CHD3: variants seen among roughly 807,000 people sequenced by gnomAD.
CHD3 encodes ATP-dependent chromatin remodeler CHD3.
Under a neutral mutation model 248.9 loss-of-function variants are expected in CHD3, and 52 were observed. The ratio of observed to expected loss-of-function variants is 0.21; its 90% CI spans 0.17 to 0.26. The LOEUF is 0.26. CHD3 is among the 10% of genes least tolerant of loss of function. The pLI, the probability that CHD3 is intolerant of heterozygous loss-of-function variation, is 1.00. For missense variants in CHD3, 1,482 were observed against 2,605.8 expected, an observed-to-expected ratio of 0.57 and a Z score of 9.39; for synonymous variants, 985 against 985.2, an observed-to-expected ratio of 1.00 and a Z score of 0.00.
upstream of CHD3, among the ~76,000 whole-genome samples, chr17:7,885,926 C>T (rs1967864355): frequency 6.6e-6 from 1 of 152,208 alleles, no homozygotes; most frequent in Non-Finnish European, 1.5e-5. Flanking sequence ...GATTGGGGAG[C>T]GGAGAGAAGA....
At position 7,906,946 on chromosome 17, in the gene CHD3, C is replaced by T. The variant is rs369890808; in HGVS notation, c.4581C>T (p.Arg1527=). Reference sequence around the variant, plus strand: ...CTGACCCCAGCGCCGATTCTAAGCGCTCCTCCAGAGCCTCCTCTCCTACCA... The same window carrying T: ...CTGACCCCAGCGCCGATTCTAAGCGTTCCTCCAGAGCCTCCTCTCCTACCA... ...LMPDPSADSK[R]SSRASSPTKT... is the part of the protein sequence containing the mutation. The change falls in exon 30 of 40, where the codon CGC becomes CGT. Residue 1527 remains arginine, a synonymous_variant. Coordinates refer to ENST00000330494, the MANE Select transcript of CHD3 (RefSeq NM_001005273.3). This position sits in a 1 kb window ranked among gnomAD's most constrained non-coding sequence, Gnocchi z 5.0. 9 of 1,614,178 alleles carry T rather than the reference C, an allele frequency of 5.6e-6. No homozygotes were observed. Among genetic ancestry groups the T allele is most frequent in the Non-Finnish European group, 7.6e-6 (9 of 1,180,026 alleles).
In CHD3 at chr17:7,890,741, G is replaced by A. The variant is rs778494683; in HGVS notation, c.384G>A (p.Lys128=). ...AGGGGGAGGGAGATGGGGGGCAAAA[G>A]GTGAGTAGAATTAGGGAATGAGAGT... ...RKKGEGDGGQ[K]QVEQKSSATL... Residue 128 remains lysine (K), a splice_region_variant and synonymous_variant, in exon 3 of 40, where the codon AAG becomes AAA. Coordinates refer to ENST00000330494, the MANE Select transcript of CHD3 (RefSeq NM_001005273.3). The A allele has an allele frequency of 8.2e-6, 13 of 1,590,506 alleles. No individual in the cohort carries two copies. Among genetic ancestry groups the A allele is most frequent in the Admixed American group, 7.5e-5 (4 of 53,092 alleles).
chr17:7,908,452 A>G lies in CHD3; in HGVS notation c.5203A>G (p.Lys1735Glu). Residue 1735 changes from lysine (K) to glutamate (E), a missense_variant, in exon 35 of 40, where the codon AAA becomes GAA. Physicochemically the swap from Lys to Glu is moderately conservative, Grantham distance 56. Transcript: ENST00000330494. This position sits in a 1 kb window ranked among gnomAD's most constrained non-coding sequence, Gnocchi z 5.8. The part of the protein sequence containing the change: ...NEERAAISSG[K>E]LNEIWHRRHD... Reference sequence around the variant, plus strand: ...GGAACGGGCAGCTATTTCCTCGGGGAAACTCAATGAGATCTGGCACAGAAG... The same window carrying G: ...GGAACGGGCAGCTATTTCCTCGGGGGAACTCAATGAGATCTGGCACAGAAG... 1 of 1,613,894 alleles carries G rather than the reference A, an allele frequency of 6.2e-7. No homozygotes were observed. The highest frequency in any genetic ancestry group is 1.1e-5 in the South Asian group (1 of 91,036).
At chr17:7,894,365 C>A in intron 7 of CHD3, 50 bp from the exon 8 acceptor site, 1 of 1,588,978 alleles carries the variant, frequency 6.3e-7, no homozygotes. Context: ...CTCTCTCTCT[C>A]CATCTCCCCC....
Position 7,904,021 on chromosome 17 carries a change from T to C in CHD3, c.3894+30T>C, listed in dbSNP as rs1455120323. 2 of 1,607,400 alleles carry C rather than the reference T, an allele frequency of 1.2e-6. No homozygotes were observed. The highest frequency in any genetic ancestry group is 2.7e-5 in the African/African-American group (2 of 74,820). On this transcript the variant is annotated intron_variant, in intron 24 of 39. Coordinates refer to ENST00000330494, the MANE Select transcript of CHD3 (RefSeq NM_001005273.3). This position sits in a 1 kb window ranked among gnomAD's most constrained non-coding sequence, Gnocchi z 4.4. ...GAGGCTTTGGGGGCCAGACATTATC[T>C]ATCCCAGGCCATCTCCAAAAGGCAG...
Position 7,900,315 on chromosome 17 carries a change from A to G in CHD3, c.2708A>G (p.Lys903Arg), listed in dbSNP as rs1209726825. Residue 903 changes from lysine to arginine, a missense_variant, in exon 17 of 40, where the codon AAG becomes AGG. By Grantham distance (26) the Lys-to-Arg change is conservative. This residue lies in a region of CHD3 where 36 missense variants were observed against 189.3 expected (regional missense o/e 0.19). Coordinates refer to ENST00000330494, the MANE Select transcript of CHD3 (RefSeq NM_001005273.3). This position sits in a 1 kb window ranked among gnomAD's most constrained non-coding sequence, Gnocchi z 6.5. The stretch of plus-strand genomic sequence containing the variant: ...TTTTTCAGGGTTCTCAATGGTTACA[A>G]GATAGATCATAAGTTGCTGCTGACA... ...SKFFRVLNGY[K>R]IDHKLLLTGT... 6.2e-7 allele frequency: 1 copy of G among 1,614,150 alleles called. No homozygotes were observed. The highest frequency in any genetic ancestry group is 1.7e-5 in the Admixed American group (1 of 60,012).
intron 10 of CHD3, among the ~76,000 whole-genome samples, chr17:7,896,272 C>T (rs896885557): frequency 6.6e-6 from 1 of 151,278 alleles, no homozygotes; most frequent in East Asian, 1.9e-4. Context: ...TTTCTAATCC[C>T]ATTCCCTATC....
At chr17:7,902,486 G>T (rs1189529404) in intron 20 of CHD3, 124 bp from the exon 21 acceptor site, 16 of 568,424 alleles carry the variant, frequency 2.8e-5, no homozygotes, top group Non-Finnish European at 5.1e-5. Context: ...ATAATGAGGA[G>T]CTTAAGACAG....
At position 7,906,152 on chromosome 17, in the gene CHD3, C is replaced by A. The variant is rs1970910553; in HGVS notation, c.4358+163C>A. 9.2e-7 allele frequency: 1 copy of A among 1,092,088 alleles called. No individual in the cohort carries two copies. Among genetic ancestry groups the A allele is most frequent in the Non-Finnish European group, 1.4e-6 (1 of 717,674 alleles). The allele number at this position is 1,092,088 out of a possible 1,614,324, so 67.6% of individuals were successfully genotyped here. Reference sequence around the variant, plus strand: ...CGATTTCCTGGGGGGTGGTCTCAGCCCACTCCACCTCCCCTCAGCCGAGCC... The same window carrying A: ...CGATTTCCTGGGGGGTGGTCTCAGCACACTCCACCTCCCCTCAGCCGAGCC... On this transcript the variant is annotated intron_variant, in intron 28 of 39. Coordinates refer to ENST00000330494, the MANE Select transcript of CHD3 (RefSeq NM_001005273.3). The surrounding 1 kb of genome is among the most constrained non-coding windows in gnomAD (Gnocchi z 5.0).
chr17:7,903,881 C>G lies in CHD3; in HGVS notation c.3784C>G (p.Arg1262Gly), dbSNP rs777268578. The G allele has an allele frequency of 6.2e-7, 1 of 1,614,012 alleles. No individual in the cohort carries two copies. The highest frequency in any genetic ancestry group is 1.3e-5 in the African/African-American group (1 of 74,898). Reference sequence around the variant, plus strand: ...TCATTATGACAATGAGGCCATCGCTCGGCTGTTGGACCGGAACCAGGATGC... The same window carrying G: ...TCATTATGACAATGAGGCCATCGCTGGGCTGTTGGACCGGAACCAGGATGC... ...VIHYDNEAIA[R>G]LLDRNQDATE... Residue 1262 changes from arginine to glycine, a missense_variant, in exon 24 of 40, where the codon CGG (arginine) becomes GGG (glycine). Arg to Gly is a moderately radical substitution (Grantham distance 125). Coordinates refer to ENST00000330494, the MANE Select transcript of CHD3 (RefSeq NM_001005273.3). The surrounding 1 kb of genome is among the most constrained non-coding windows in gnomAD (Gnocchi z 6.8).
Position 7,899,162 on chromosome 17 carries a change from C to T in CHD3, c.2303C>T (p.Thr768Ile). Residue 768 changes from threonine (T) to isoleucine (I), a missense_variant, in exon 14 of 40, where the codon ACC (threonine) becomes ATC (isoleucine). Physicochemically the swap from Thr to Ile is moderately conservative, Grantham distance 89. Coordinates refer to ENST00000330494, the MANE Select transcript of CHD3 (RefSeq NM_001005273.3). The surrounding 1 kb of genome is among the most constrained non-coding windows in gnomAD (Gnocchi z 6.8). ...GCTGATGAGATGGGGCTAGGCAAGA[C>T]CATACAAACCATCGTCTTCCTCTAC... is the stretch of plus-strand genomic sequence containing the variant. ...ILADEMGLGK[T>I]IQTIVFLYSL... is the part of the protein sequence containing the mutation. The T allele has an allele frequency of 6.2e-7, 1 of 1,614,050 alleles. No individual in the cohort carries two copies. The highest frequency in any genetic ancestry group is 8.5e-7 in the Non-Finnish European group (1 of 1,179,998).
At chr17:7,893,026 C>T (rs1306435840) in intron 4 of CHD3, among the ~76,000 whole-genome samples, 1 of 152,168 alleles carries the variant, frequency 6.6e-6, no homozygotes, top group East Asian at 1.9e-4. Flanking sequence ...AAGCAATCCT[C>T]CTGCTTCAGC....
In CHD3 at chr17:7,888,961, G is replaced by A. The variant is rs747697924; in HGVS notation, c.-40G>A. 81 of 1,613,984 alleles carry A rather than the reference G, an allele frequency of 5.0e-5. No homozygotes were observed. The Admixed American group carries it at 9.5e-4, about 19-fold the overall frequency. On this transcript the variant is annotated 5_prime_UTR_variant, in exon 1 of 40. Transcript: ENST00000330494. ...AGGTAGGTTTTAGGCTACTTGGGAG[G>A]AGGAATATTTAGGTAATTGTGGAGA...
At position 7,894,150 on chromosome 17, in the gene CHD3, G is replaced by A. The variant is rs1567842875; in HGVS notation, c.960G>A (p.Glu320=). 2 of 1,614,018 alleles carry A rather than the reference G, an allele frequency of 1.2e-6. No individual in the cohort carries two copies. Among genetic ancestry groups the A allele is most frequent in the African/African-American group, 1.3e-5 (1 of 75,028 alleles). ...AGAGCGACGAAGGTCCTGAACCAGAGGCTGAGGAATCAGACCTGGACAGTG... is the reference window on the plus strand; with the variant it reads ...AGAGCGACGAAGGTCCTGAACCAGAAGCTGAGGAATCAGACCTGGACAGTG... ...VFQSDEGPEP[E]AEESDLDSGS... is the part of the protein sequence containing the mutation. Residue 320 remains glutamate, a synonymous_variant, in exon 7 of 40, where the codon GAG becomes GAA. Transcript: ENST00000330494.
chr17:7,903,192 T>C lies in CHD3; in HGVS notation c.3496-80T>C. ...AGAGAAGGCCCTTCTTCAGCAGCCT[T>C]CTTTCCTGAGGCAGCTCTATGGGCA... is the stretch of plus-strand genomic sequence containing the variant. On this transcript the variant is annotated intron_variant, in intron 22 of 39. Transcript: ENST00000330494. The surrounding 1 kb of genome is among the most constrained non-coding windows in gnomAD (Gnocchi z 6.8). The C allele has an allele frequency of 6.4e-7, 1 of 1,574,022 alleles. No individual in the cohort carries two copies. Among genetic ancestry groups the C allele is most frequent in the Non-Finnish European group, 8.7e-7 (1 of 1,149,528 alleles).
chr17:7,905,117 T>G lies in CHD3; in HGVS notation c.4090T>G (p.Ser1364Ala), dbSNP rs1970774615. The G allele has an allele frequency of 6.2e-7, 1 of 1,614,134 alleles. No homozygotes were observed. Among genetic ancestry groups the G allele is most frequent in the Admixed American group, 1.7e-5 (1 of 60,022 alleles). ...CCCCACAGACAACCAGTCAGAGTAC[T>G]CGGTGGGTTCAGAGGAGGAGGATGA... ...QEDQDNQSEYSVGSEEEDEDF... is the reference protein window; with the variant it reads ...QEDQDNQSEYAVGSEEEDEDF... The change falls in exon 26 of 40, where the codon TCG becomes GCG. Residue 1364 changes from serine (S) to alanine (A), a missense_variant. Ser to Ala is a moderately conservative substitution (Grantham distance 99). This residue lies in a region of CHD3 where 156 missense variants were observed against 420.3 expected (regional missense o/e 0.37). Transcript: ENST00000330494. The surrounding 1 kb of genome is among the most constrained non-coding windows in gnomAD (Gnocchi z 5.8).
At chr17:7,901,216 C>T in intron 19 of CHD3, 28 bp from the exon 20 acceptor site, 1 of 1,565,326 alleles carries the variant, frequency 6.4e-7, no homozygotes, top group Non-Finnish European at 8.7e-7. Context: ...AACTGACCCC[C>T]TCCTCCTCCT....
Position 7,895,267 on chromosome 17 carries a change from CT to C in CHD3, c.1504-71del. The C allele has an allele frequency of 6.3e-7, 1 of 1,588,460 alleles. No individual in the cohort carries two copies. The highest frequency in any genetic ancestry group is 8.6e-7 in the Non-Finnish European group (1 of 1,163,488). On this transcript the variant is annotated intron_variant, in intron 9 of 39. Coordinates refer to ENST00000330494, the MANE Select transcript of CHD3 (RefSeq NM_001005273.3). This position sits in a 1 kb window ranked among gnomAD's most constrained non-coding sequence, Gnocchi z 4.9. ...GCACTCCCCCACCCTTGTGGGACCC[CT>C]ATCTTCTCATCTAACAATGGGTTCT... is the stretch of plus-strand genomic sequence containing the variant.
Position 7,912,418 on chromosome 17 carries a change from G to C in CHD3, c.*833G>C, listed in dbSNP as rs1598022229. ...CCCAGCTCTGGGGCTCAGGTTCCTG[G>C]AAGACTTCTACTACCCTCCCTCCTC... On this transcript the variant is annotated 3_prime_UTR_variant, in exon 40 of 40. Transcript: ENST00000330494. 2 of 152,328 alleles carry C rather than the reference G, an allele frequency of 1.3e-5. 1 individual carries two copies. Among genetic ancestry groups the C allele is most frequent in the South Asian group, 4.1e-4 (2 of 4,832 alleles). 9.4% of individuals were successfully genotyped at this position (152,328 alleles called of 1,614,324 possible).
Sources: allele counts gnomAD v4.1 joint callset (sites outside exome capture counted in the v4.1 genomes callset), GRCh38; gene constraint gnomAD v4.1.1; regional missense constraint gnomAD v4.1.1; non-coding constraint Gnocchi (gnomAD v3.1); transcripts MANE v1.5; gene names NCBI Gene and HGNC (gene_info 2026-07-23, HGNC 2026-07-21).